The following ATP2C1 variants were observed in gnomAD, a reference collection of about 807,000 sequenced individuals.
ATP2C1 encodes ATPase secretory pathway Ca2+ transporting 1.
A neutral mutation model predicts 120.5 loss-of-function variants in ATP2C1; 31 were observed. The observed-to-expected ratio is 0.26, with a 90% CI of 0.19 to 0.35. The LOEUF (loss-of-function observed/expected upper bound fraction) is 0.35. Among genes scored for constraint, ATP2C1 ranks in the 10% least tolerant of loss-of-function variants. The probability of loss-of-function intolerance (pLI) is 1.00; values close to 1 mark genes in which losing one functional copy is unlikely to be tolerated. For synonymous variants in ATP2C1, 351 were observed against 358.7 expected (o/e 0.98, Z 0.24); for missense variants, 731 against 1,107.5 (o/e 0.66, Z 4.83).
intron 1 of ATP2C1, among the ~76,000 whole-genome samples, chr3:130,885,225 C>A (rs1025346745): frequency 6.6e-6 from 1 of 152,034 alleles, no homozygotes; most frequent in Non-Finnish European, 1.5e-5. Context: ...GGAGCCACCA[C>A]GCACAGCCGG....
At chr3:130,892,881 C>CA (rs2069233972), upstream of ATP2C1, among the ~76,000 whole-genome samples, 2 of 152,348 alleles carry the variant, frequency 1.3e-5, no homozygotes, top group South Asian at 4.1e-4. Context: ...GAAACACAGG[C>CA]AACCCCGTCC....
In ATP2C1 at chr3:130,894,722, A is replaced by T; in HGVS notation, c.-48A>T. ...TCTATTCCCAGTGTGGCCGTGGCTG[A>T]CACTAAAGACTTTGTAGCCATCAAC... On this transcript the variant is annotated 5_prime_UTR_variant, in exon 2 of 28. Coordinates refer to ENST00000510168, the MANE Select transcript of ATP2C1 (RefSeq NM_001378687.1). The surrounding 1 kb of genome is among the most constrained non-coding windows in gnomAD (Gnocchi z 4.5). 6.2e-7 allele frequency: 1 copy of T among 1,614,106 alleles called. No individual in the cohort carries two copies. The highest frequency in any genetic ancestry group is 8.5e-7 in the Non-Finnish European group (1 of 1,179,976).
At chr3:130,925,398 G>A (rs1210188423) in intron 2 of ATP2C1, among the ~76,000 whole-genome samples, 4 of 152,194 alleles carry the variant, frequency 2.6e-5, no homozygotes, top group African/African-American at 9.7e-5. Context: ...GTACTGGCGA[G>A]TGTCTGTAAA....
chr3:130,949,320 G>A (rs1394963334), intron 8 of ATP2C1, among the ~76,000 whole-genome samples: 1 of 152,108 alleles, frequency 6.6e-6, no homozygotes, highest in African/African-American at 2.4e-5. Flanking sequence ...AGTTTGAAAG[G>A]TTTCGATAAA....
intron 2 of ATP2C1, among the ~76,000 whole-genome samples, chr3:130,902,297 G>GTTTTTTTTTTTTTTTTTTTTTTTTTTTTT (rs398052267): frequency 7.5e-5 from 1 of 13,252 alleles, no homozygotes; most frequent in African/African-American, 2.1e-4. Flanking sequence ...TTTTTTTTTT[G>GTTTTTTTTTTTTTTTTTTTTTTTTTTTTT]TTTTTTTTTT....
chr3:130,994,363 T>C (rs1412637429), intron 22 of ATP2C1, among the ~76,000 whole-genome samples: 3 of 152,166 alleles, frequency 2.0e-5, no homozygotes, highest in Non-Finnish European at 2.9e-5. Context: ...ACTAATATGA[T>C]GGTATAGTAA....
chr3:130,859,221 C>A (rs2067939098), intron 1 of ATP2C1, among the ~76,000 whole-genome samples: 2 of 152,182 alleles, frequency 1.3e-5, no homozygotes, highest in African/African-American at 4.8e-5. Context: ...GTAAATACTC[C>A]ATAGTCTTAG....
chr3:130,976,115 GTC>G (rs2061520351), intron 18 of ATP2C1, among the ~76,000 whole-genome samples: 1 of 152,142 alleles, frequency 6.6e-6, no homozygotes, highest in Non-Finnish European at 1.5e-5. Context: ...TAGTTATGTA[GTC>G]TCTCACAGCA....
intron 2 of ATP2C1, among the ~76,000 whole-genome samples, chr3:130,908,920 T>C (rs1359411548): frequency 1.3e-5 from 2 of 152,186 alleles, no homozygotes; most frequent in African/African-American, 4.8e-5. Flanking sequence ...CATTTCTACA[T>C]ATTGTAAGTA....
intron 20 of ATP2C1, among the ~76,000 whole-genome samples, chr3:130,988,680 G>C (rs557843481): frequency 1.3e-5 from 2 of 152,120 alleles, no homozygotes; most frequent in Admixed American, 1.3e-4. Flanking sequence ...CATGTCTCTC[G>C]GAGAAATGAG....
intron 27 of ATP2C1, among the ~76,000 whole-genome samples, chr3:131,000,602 T>C (rs750747297): frequency 2.0e-5 from 3 of 152,228 alleles, no homozygotes; most frequent in Non-Finnish European, 4.4e-5. Context: ...ATCTATGAAA[T>C]AAACTCCTTT....
intron 17 of ATP2C1, among the ~76,000 whole-genome samples, chr3:130,970,228 G>A (rs1271449008): frequency 6.6e-6 from 1 of 151,896 alleles, no homozygotes; most frequent in Non-Finnish European, 1.5e-5. Context: ...TGAGACAGGG[G>A]AATTGTTTGA....
chr3:130,861,524 T>C (rs2068013243), intron 1 of ATP2C1, among the ~76,000 whole-genome samples: 1 of 152,202 alleles, frequency 6.6e-6, no homozygotes. Context: ...ATTTGGGTTC[T>C]CAATGGATTG....
chr3:130,951,700 G>A (rs1046905949), intron 8 of ATP2C1, among the ~76,000 whole-genome samples: 1 of 152,100 alleles, frequency 6.6e-6, no homozygotes, highest in African/African-American at 2.4e-5. Context: ...TTAAGGTAAT[G>A]AACTCAGATT....
At chr3:130,861,544 C>T (rs113983791) in intron 1 of ATP2C1, among the ~76,000 whole-genome samples, 48 of 152,258 alleles carry the variant, frequency 3.2e-4, no homozygotes, top group African/African-American at 8.4e-4. Context: ...GGATGAGGAA[C>T]GTTCATACTG....
chr3:130,953,982 T>C lies in ATP2C1; in HGVS notation c.687+6T>C. On this transcript the variant is annotated splice_donor_region_variant and intron_variant, in intron 9 of 27. Transcript: ENST00000510168. The stretch of plus-strand genomic sequence containing the variant: ...TCAGATGTGGCAAAGCAAAGGTAAA[T>C]TTTTTTCCTGATTTGAAAAAAGCAG... 6.2e-7 allele frequency: 1 copy of C among 1,613,774 alleles called. No homozygotes were observed. The highest frequency in any genetic ancestry group is 8.5e-7 in the Non-Finnish European group (1 of 1,179,748).
At chr3:130,873,429 A>G (rs1410668634) in intron 1 of ATP2C1, among the ~76,000 whole-genome samples, 1 of 152,238 alleles carries the variant, frequency 6.6e-6, no homozygotes, top group Non-Finnish European at 1.5e-5. Flanking sequence ...AAATTTAATT[A>G]TATACAAATA....
At chr3:130,902,970 G>A (rs1314679163) in intron 2 of ATP2C1, among the ~76,000 whole-genome samples, 1 of 151,752 alleles carries the variant, frequency 6.6e-6, no homozygotes, top group Admixed American at 6.6e-5. Context: ...TAGTTGTGTG[G>A]CATTCTCATT....
intron 10 of ATP2C1, 142 bp from the exon 11 acceptor site, chr3:130,955,962 G>A (rs755623552): frequency 1.7e-4 from 111 of 653,026 alleles, no homozygotes; most frequent in Middle Eastern, 7.6e-4. Flanking sequence ...AGTTTTCTCA[G>A]TGAAGGTGAT....
Sources: allele counts gnomAD v4.1 joint callset (sites outside exome capture counted in the v4.1 genomes callset), GRCh38; gene constraint gnomAD v4.1.1; non-coding constraint Gnocchi (gnomAD v3.1); transcripts MANE v1.5; gene names NCBI Gene and HGNC (gene_info 2026-07-23, HGNC 2026-07-21).